The following KCNH8 variants were observed in gnomAD, a reference collection of about 807,000 sequenced individuals.
KCNH8 encodes voltage-gated delayed rectifier potassium channel KCNH8.
In KCNH8, 70 loss-of-function variants were observed where a neutral mutation model predicts 103.6. The ratio of observed to expected loss-of-function variants is 0.68; its 90% CI spans 0.56 to 0.82. KCNH8 has a LOEUF of 0.82. KCNH8 is among the 40% of genes least tolerant of loss of function. The pLI is 0.00. For synonymous variants in KCNH8, 498 were observed against 489.4 expected, an observed-to-expected ratio of 1.02 and a Z score of -0.23; for missense variants, 1,217 against 1,329.9, an observed-to-expected ratio of 0.92 and a Z score of 1.32.
In KCNH8 at chr3:19,308,522, G is replaced by A. The variant is rs548828822; in HGVS notation, c.442+27193G>A. Among the ~76,000 whole-genome samples the A allele has an allele frequency of 1.1e-4, 16 of 151,882 alleles. No individual in the cohort carries two copies. The East Asian group carries it at 2.9e-3, about 28-fold the overall frequency. On this transcript the variant is annotated intron_variant, in intron 3 of 15. Transcript: ENST00000328405. ...CCCCACAATCTTCCATATAATATTT[G>A]AGTGAAATCCAGAATGTCACACTAA...
chr3:19,340,979 G>T (rs553229865), intron 3 of KCNH8, among the ~76,000 whole-genome samples: 1 of 152,272 alleles, frequency 6.6e-6, no homozygotes, highest in Non-Finnish European at 1.5e-5. Context: ...ACTTGGAAGT[G>T]GGCCAAGCAT....
intron 5 of KCNH8, among the ~76,000 whole-genome samples, chr3:19,354,159 A>C (rs1331437500): frequency 6.6e-6 from 1 of 152,200 alleles, no homozygotes; most frequent in East Asian, 1.9e-4. Context: ...AATACCTAGG[A>C]ATCCAACTTA....
chr3:19,299,296 A>G (rs2065034309), intron 3 of KCNH8, among the ~76,000 whole-genome samples: 1 of 152,250 alleles, frequency 6.6e-6, no homozygotes, highest in Middle Eastern at 3.4e-3. Context: ...AAATTTTAAA[A>G]TGATTCTGGC....
chr3:19,364,876 G>C (rs1199971414), intron 5 of KCNH8, among the ~76,000 whole-genome samples: 1 of 152,110 alleles, frequency 6.6e-6, no homozygotes, highest in Non-Finnish European at 1.5e-5. Context: ...ATGGGAAGAT[G>C]AAACGCTATC....
At chr3:19,261,982 C>G (rs1436785432) in intron 2 of KCNH8, among the ~76,000 whole-genome samples, 1 of 151,646 alleles carries the variant, frequency 6.6e-6, no homozygotes, top group Non-Finnish European at 1.5e-5. Flanking sequence ...GTTTTTAATG[C>G]CTGCACTATT....
chr3:19,484,947 G>A (rs1020984012), intron 11 of KCNH8, among the ~76,000 whole-genome samples: 7 of 152,094 alleles, frequency 4.6e-5, no homozygotes, highest in African/African-American at 1.7e-4. Context: ...TTTCTTAGAA[G>A]GAGTGCATTT....
intron 1 of KCNH8, among the ~76,000 whole-genome samples, chr3:19,213,845 G>A (rs971134976): frequency 8.5e-5 from 13 of 152,114 alleles, no homozygotes; most frequent in Admixed American, 7.2e-4. Context: ...CATGTGGGTA[G>A]GAGGACATCT....
chr3:19,492,320 T>C (rs9810982), intron 11 of KCNH8, among the ~76,000 whole-genome samples: 1,848 of 152,290 alleles, frequency 0.012, 30 homozygotes, highest in African/African-American at 0.04. Flanking sequence ...CTTATACTTC[T>C]ATCTTTCATC....
At chr3:19,334,738 A>G (rs1188940774) in intron 3 of KCNH8, among the ~76,000 whole-genome samples, 1 of 150,986 alleles carries the variant, frequency 6.6e-6, no homozygotes, top group African/African-American at 2.4e-5. Context: ...GAACAAAGCC[A>G]AAAAATAAAT....
intron 3 of KCNH8, among the ~76,000 whole-genome samples, chr3:19,313,551 A>C (rs2065233404): frequency 6.6e-6 from 1 of 152,066 alleles, no homozygotes; most frequent in South Asian, 2.1e-4. Context: ...CTGTTTTCCA[A>C]ATCTCCCATC....
chr3:19,207,353 T>C (rs763261928), intron 1 of KCNH8, among the ~76,000 whole-genome samples: 4 of 152,024 alleles, frequency 2.6e-5, no homozygotes, highest in Non-Finnish European at 4.4e-5. Flanking sequence ...TATTTTCTTT[T>C]GTAGATTTGG....
chr3:19,451,493 T>A, intron 10 of KCNH8, 89 bp downstream of exon 10: 1 of 1,198,486 alleles, frequency 8.3e-7, no homozygotes, highest in Non-Finnish European at 1.2e-6. Context: ...CTATTGAGAG[T>A]AGGAAAAGAA....
chr3:19,380,055 T>A (rs2066268026), intron 5 of KCNH8, among the ~76,000 whole-genome samples: 1 of 152,220 alleles, frequency 6.6e-6, no homozygotes, highest in South Asian at 2.1e-4. Flanking sequence ...ACCTATACCC[T>A]GTGAAGAATA....
intron 1 of KCNH8, among the ~76,000 whole-genome samples, chr3:19,170,833 G>A (rs1202899186): frequency 2.8e-5 from 3 of 108,878 alleles, no homozygotes; most frequent in Non-Finnish European, 4.9e-5. Context: ...TTTTTGAGAC[G>A]AAGTCTCGCG....
intron 1 of KCNH8, among the ~76,000 whole-genome samples, chr3:19,241,749 CACAT>C (rs1486204594): frequency 6.8e-6 from 1 of 146,818 alleles, no homozygotes; most frequent in African/African-American, 2.4e-5. Context: ...CACACACACA[CACAT>C]GCTTGATAGA....
chr3:19,281,116 A>AT (rs1294429489), intron 2 of KCNH8, 82 bp from the exon 3 acceptor site: 26 of 1,456,866 alleles, frequency 1.8e-5, no homozygotes, highest in Admixed American at 6.4e-5. Flanking sequence ...TAAGGGCTTT[A>AT]TTTTTTATTG....
Position 19,379,210 on chromosome 3 carries a change from C to T in KCNH8, c.812-11271C>T, listed in dbSNP as rs143543544. On this transcript the variant is annotated intron_variant, in intron 5 of 15. Coordinates refer to ENST00000328405, the MANE Select transcript of KCNH8 (RefSeq NM_144633.3). ...AAAGCCTCATTACAGTTTAAATATA[C>T]AAAGTACATGACCAGTGGCAATCCT... Among the ~76,000 whole-genome samples the T allele has an allele frequency of 1.4e-4, 21 of 152,304 alleles. No homozygotes were observed. In the East Asian group the frequency reaches 4.0e-3, roughly 29 times the overall value.
intron 11 of KCNH8, among the ~76,000 whole-genome samples, chr3:19,466,246 G>T (rs2067733557): frequency 6.6e-6 from 1 of 152,110 alleles, no homozygotes; most frequent in Non-Finnish European, 1.5e-5. Context: ...TCTTATGAAT[G>T]AGTGAAGTGG....
chr3:19,354,679 T>A (rs1348845151), intron 5 of KCNH8, among the ~76,000 whole-genome samples: 2 of 152,212 alleles, frequency 1.3e-5, no homozygotes, highest in African/African-American at 4.8e-5. Context: ...GCTAGCAATA[T>A]GTAGAAAGCT....
Sources: gnomAD v4.1 joint callset for allele counts (sites outside exome capture counted in the v4.1 genomes callset) on GRCh38, gnomAD v4.1.1 for gene constraint, MANE v1.5 for transcripts, NCBI Gene and HGNC (gene_info 2026-07-23, HGNC 2026-07-21) for gene names.